The following PRDM5 variants were observed in gnomAD, a reference collection of about 807,000 sequenced individuals.
PRDM5 encodes the protein PR/SET domain 5, also known as PR domain zinc finger protein 5.
In PRDM5, 56 loss-of-function variants were observed where a neutral mutation model predicts 81.2. The ratio of observed to expected loss-of-function variants is 0.69; its 90% CI spans 0.56 to 0.86. PRDM5 has a LOEUF of 0.86. PRDM5 is among the 40% of genes least tolerant of loss of function. PRDM5 has a pLI of 0.00. For missense variants in PRDM5, 697 were observed against 770.1 expected (o/e 0.91, Z 1.12); for synonymous variants, 267 against 256.4 (o/e 1.04, Z -0.39).
chr4:120,799,845 A>G (rs1282359708), intron 8 of PRDM5, 100 bp from the exon 9 acceptor site: 1 of 1,530,328 alleles, frequency 6.5e-7, no homozygotes, highest in Non-Finnish European at 8.8e-7. Context: ...TGCCACTGCA[A>G]TACCCAAACT....
intron 10 of PRDM5, among the ~76,000 whole-genome samples, chr4:120,787,904 A>C (rs1225104386): frequency 6.6e-6 from 1 of 152,220 alleles, no homozygotes; most frequent in Non-Finnish European, 1.5e-5. Flanking sequence ...TCAATATTTA[A>C]AGCCATGAAT....
At chr4:120,701,535 A>G (rs1735369756) in intron 15 of PRDM5, among the ~76,000 whole-genome samples, 1 of 152,154 alleles carries the variant, frequency 6.6e-6, no homozygotes, top group African/African-American at 2.4e-5. Flanking sequence ...TTGTAGCAAC[A>G]TGGATGCAGC....
intron 2 of PRDM5, among the ~76,000 whole-genome samples, chr4:120,859,665 A>G (rs963059842): frequency 3.3e-5 from 5 of 152,200 alleles, no homozygotes; most frequent in African/African-American, 1.2e-4. Flanking sequence ...GCAAACCCAG[A>G]TGTCATTTTA....
chr4:120,874,123 C>G (rs975458119), intron 2 of PRDM5, among the ~76,000 whole-genome samples: 2 of 151,950 alleles, frequency 1.3e-5, no homozygotes, highest in Non-Finnish European at 2.9e-5. Flanking sequence ...CAAAATGCGC[C>G]CTTCTAGCTA....
intron 8 of PRDM5, among the ~76,000 whole-genome samples, chr4:120,803,070 C>T (rs186084996): frequency 1.2e-4 from 19 of 152,152 alleles, no homozygotes; most frequent in African/African-American, 1.9e-4. Flanking sequence ...GCACAAGCTT[C>T]GGTAGCTGAT....
rs1250226238 is a variant in PRDM5, at chr4:120,817,023, G to C, written c.651-99C>G. The C allele has an allele frequency of 2.9e-6, 3 of 1,032,914 alleles. No homozygotes were observed. The Admixed American group carries it at 5.7e-5, about 20-fold the overall frequency. 64.0% of individuals were successfully genotyped at this position (1,032,914 alleles called of 1,614,324 possible). A position where few individuals can be genotyped will look rare whatever the true frequency, so the allele number is the denominator to read the frequency against. On this transcript the variant is annotated intron_variant, in intron 5 of 15. Transcript: ENST00000264808. The stretch of plus-strand genomic sequence containing the variant: ...TAACTCTGAATAAAGTCATGTTCGT[G>C]ATCCCTTTTTTCATTGTCTTTTGCC...
At chr4:120,839,393 G>T (rs1757736220) in intron 3 of PRDM5, 2 of 670,498 alleles carry the variant, frequency 3.0e-6, no homozygotes, top group Non-Finnish European at 5.5e-6. Flanking sequence ...CACAGGCAGG[G>T]TATACCAATG....
At chr4:120,747,199 C>G (rs1347567012) in intron 14 of PRDM5, among the ~76,000 whole-genome samples, 1 of 149,498 alleles carries the variant, frequency 6.7e-6, no homozygotes, top group Admixed American at 6.7e-5. Flanking sequence ...AAACCAAACA[C>G]CACATATTCT....
chr4:120,725,210 T>C (rs772217061), intron 14 of PRDM5, among the ~76,000 whole-genome samples: 1 of 143,576 alleles, frequency 7.0e-6, no homozygotes. Context: ...ACTGCAGAAG[T>C]TTTTTTTTTT....
intron 15 of PRDM5, among the ~76,000 whole-genome samples, chr4:120,710,033 AC>A (rs1471121841): frequency 6.6e-6 from 1 of 152,202 alleles, no homozygotes; most frequent in Non-Finnish European, 1.5e-5. Flanking sequence ...CCTTGGAAGA[AC>A]AACTCAACGG....
chr4:120,800,554 AC>A (rs1751993838), intron 8 of PRDM5, among the ~76,000 whole-genome samples: 1 of 151,834 alleles, frequency 6.6e-6, no homozygotes, highest in Non-Finnish European at 1.5e-5. Flanking sequence ...CAGGAGGATC[AC>A]AACTTTTAAA....
chr4:120,847,081 T>C (rs1465255328), intron 3 of PRDM5, among the ~76,000 whole-genome samples: 3 of 152,124 alleles, frequency 2.0e-5, no homozygotes, highest in Admixed American at 6.6e-5. Context: ...CCATTTACTC[T>C]AACCTTATTC....
Position 120,816,936 on chromosome 4 carries a change from T to C in PRDM5, c.651-12A>G, listed in dbSNP as rs771147793. 1.1e-5 allele frequency: 17 copies of C among 1,598,602 alleles called. No homozygotes were observed. The highest frequency in any genetic ancestry group is 2.2e-5 in the South Asian group (2 of 90,690). ...TGCACTGAAGAACACTAAAGGGAAA[T>C]AGGAAAAAGAGAAAGAAAAGAAAAC... On this transcript the variant is annotated splice_polypyrimidine_tract_variant and intron_variant, in intron 5 of 15. Coordinates refer to ENST00000264808, the MANE Select transcript of PRDM5 (RefSeq NM_018699.4).
At chr4:120,742,537 T>A (rs1341711197) in intron 14 of PRDM5, among the ~76,000 whole-genome samples, 1 of 151,438 alleles carries the variant, frequency 6.6e-6, no homozygotes, top group Non-Finnish European at 1.5e-5. Flanking sequence ...TTGAAAAAAA[T>A]TTAGAAGAAT....
intron 6 of PRDM5, 111 bp from the exon 7 acceptor site, chr4:120,816,685 C>A: frequency 6.5e-7 from 1 of 1,541,144 alleles, no homozygotes; most frequent in South Asian, 1.1e-5. Flanking sequence ...GTTTCGGGGT[C>A]ATTCCATGCA....
intron 2 of PRDM5, among the ~76,000 whole-genome samples, chr4:120,861,079 C>G (rs1760515251): frequency 6.6e-6 from 1 of 152,202 alleles, no homozygotes; most frequent in African/African-American, 2.4e-5. Context: ...GCAATCTTGG[C>G]TCAGTGCAAC....
chr4:120,845,501 GTCATCTGTTT>G (rs1758555412), intron 3 of PRDM5, among the ~76,000 whole-genome samples: 1 of 152,194 alleles, frequency 6.6e-6, no homozygotes, highest in Non-Finnish European at 1.5e-5. Context: ...TGATGGCACT[GTCATCTGTTT>G]ACTGCATAGT....
chr4:120,708,721 G>GA (rs1377727670), intron 15 of PRDM5, among the ~76,000 whole-genome samples: 1 of 152,112 alleles, frequency 6.6e-6, no homozygotes, highest in African/African-American at 2.4e-5. Context: ...GCATGTAGAT[G>GA]AAACAGTAAA....
intron 2 of PRDM5, 21 bp from the exon 3 acceptor site, chr4:120,853,561 G>A: frequency 1.9e-6 from 3 of 1,613,382 alleles, no homozygotes; most frequent in Non-Finnish European, 2.5e-6. Flanking sequence ...AAAGGCTCCT[G>A]AGTTTACAAT....
Sources: gnomAD v4.1 joint callset for allele counts (sites outside exome capture counted in the v4.1 genomes callset) on GRCh38, gnomAD v4.1.1 for gene constraint, MANE v1.5 for transcripts, NCBI Gene and HGNC (gene_info 2026-07-23, HGNC 2026-07-21) for gene names.